NAPB: variants seen among roughly 807,000 people sequenced by gnomAD.
NAPB encodes NSF attachment protein beta, also known as beta-soluble NSF attachment protein.
Under a neutral mutation model 44.7 loss-of-function variants are expected in NAPB, and 26 were observed. That is an observed-to-expected ratio of 0.58 (90% CI 0.43 to 0.81). NAPB has a LOEUF of 0.81. Ranked by LOEUF, NAPB falls within the 30% of genes least tolerant of loss-of-function variation. NAPB has a pLI of 0.00. For missense variants in NAPB, 315 were observed against 356.4 expected (o/e 0.88, Z 0.94); for synonymous variants, 120 against 116.8 (o/e 1.03, Z -0.18).
chr20:23,418,342 G>A (rs1030808241), intron 1 of NAPB, among the ~76,000 whole-genome samples: 4 of 152,186 alleles, frequency 2.6e-5, no homozygotes, highest in African/African-American at 7.2e-5. Context: ...GAAGGCAGGG[G>A]CAGGGTGGAA....
At chr20:23,391,168 C>T (rs1400518115) in intron 5 of NAPB, among the ~76,000 whole-genome samples, 2 of 152,036 alleles carry the variant, frequency 1.3e-5, no homozygotes, top group African/African-American at 4.8e-5. Flanking sequence ...AAAAATTAGC[C>T]GGGCGTGGTG....
chr20:23,420,594 C>A (rs6114083), intron 1 of NAPB, among the ~76,000 whole-genome samples: 4 of 152,054 alleles, frequency 2.6e-5, no homozygotes, highest in Non-Finnish European at 5.9e-5. Flanking sequence ...GCGCCTCACC[C>A]GGACCGGTCT....
Position 23,394,950 on chromosome 20 carries a change from T to G in NAPB, c.392A>C (p.Tyr131Ser). The G allele has an allele frequency of 1.9e-6, 3 of 1,614,208 alleles. No homozygotes were observed. The highest frequency in any genetic ancestry group is 2.5e-6 in the Non-Finnish European group (3 of 1,180,026). Reference protein sequence around the residue: ...AKHHITIAEIYETELVDIEKA... With the variant: ...AKHHITIAEISETELVDIEKA... ...CTCAATGTCTACAAGTTCAGTCTCA[T>G]AGATCTCTGCAATAGTAATGTGGTG... The change falls in exon 5 of 11, where the codon TAT becomes TCT. Residue 131 changes from tyrosine (Y) to serine (S), a missense_variant. By Grantham distance (144) the Tyr-to-Ser change is moderately radical (BLOSUM62 -2). Coordinates refer to ENST00000377026, the MANE Select transcript of NAPB (RefSeq NM_022080.3).
At chr20:23,402,190 T>C (rs1422798339) in intron 2 of NAPB, among the ~76,000 whole-genome samples, 2 of 152,200 alleles carry the variant, frequency 1.3e-5, no homozygotes, top group East Asian at 3.8e-4. Flanking sequence ...GTGTCTGCCT[T>C]GAAACAGCTT....
rs758687677 is a variant in NAPB, at chr20:23,421,446, T to C, written c.-44A>G. On this transcript the variant is annotated 5_prime_UTR_variant, in exon 1 of 11. Transcript: ENST00000377026. ...CACAGCCCCCTCAGCCGGCTCGCTG[T>C]GCGCCCAGGCGCCTTAACCCTCCCT... 63 of 1,521,608 alleles carry C rather than the reference T, an allele frequency of 4.1e-5. No individual in the cohort carries two copies. Among genetic ancestry groups the C allele is most frequent in the Admixed American group, 1.4e-4 (7 of 49,062 alleles). The allele number at this position is 1,521,608 out of a possible 1,614,324, so 94.3% of individuals were successfully genotyped here.
chr20:23,393,298 T>A (rs544434411), intron 5 of NAPB, among the ~76,000 whole-genome samples: 1 of 151,696 alleles, frequency 6.6e-6, no homozygotes, highest in African/African-American at 2.4e-5. Context: ...CAGAAAAGTA[T>A]GGCAATTATA....
intron 1 of NAPB, among the ~76,000 whole-genome samples, chr20:23,405,019 C>A (rs1314004452): frequency 6.6e-6 from 1 of 152,110 alleles, no homozygotes; most frequent in Non-Finnish European, 1.5e-5. Flanking sequence ...AAAACACATC[C>A]CGGCGGGGCG....
Position 23,397,092 on chromosome 20 carries a change from T to C in NAPB, c.275A>G (p.Tyr92Cys). ...ATSFVDAGNA[Y>C]KKADPQEAIN... Reference sequence around the variant, plus strand: ...CTTACCTTGGGGATCTGCCTTTTTGTAAGCATTTCCAGCATCCACAAAGCT... The same window carrying C: ...CTTACCTTGGGGATCTGCCTTTTTGCAAGCATTTCCAGCATCCACAAAGCT... Residue 92 changes from tyrosine (Y) to cysteine (C), a missense_variant, in exon 3 of 11, where the codon TAC (tyrosine) becomes TGC (cysteine). This residue lies in a region of NAPB where 179 missense variants were observed against 182.5 expected (regional missense o/e 0.98). Transcript: ENST00000377026. The C allele has an allele frequency of 6.2e-7, 1 of 1,613,430 alleles. No individual in the cohort carries two copies. The highest frequency in any genetic ancestry group is 8.5e-7 in the Non-Finnish European group (1 of 1,179,430).
At chr20:23,387,035 G>A (rs925429506) in intron 7 of NAPB, among the ~76,000 whole-genome samples, 7 of 152,094 alleles carry the variant, frequency 4.6e-5, no homozygotes, top group Admixed American at 3.3e-4. Flanking sequence ...AAAACCATAC[G>A]CTTATCTCAA....
chr20:23,420,851 G>A (rs1017216346), intron 1 of NAPB, among the ~76,000 whole-genome samples: 15 of 151,552 alleles, frequency 9.9e-5, no homozygotes, highest in Admixed American at 7.2e-4. Flanking sequence ...GGGGCGCTTG[G>A]GGAGCTCTGG....
At chr20:23,409,873 G>A (rs1600596264) in intron 1 of NAPB, among the ~76,000 whole-genome samples, 3 of 152,210 alleles carry the variant, frequency 2.0e-5, no homozygotes, top group South Asian at 4.1e-4. Flanking sequence ...TGCCTCTGCT[G>A]CCAGTCAGAG....
At chr20:23,383,864 A>T (rs1427150163) in intron 7 of NAPB, among the ~76,000 whole-genome samples, 3 of 152,228 alleles carry the variant, frequency 2.0e-5, no homozygotes, top group African/African-American at 7.2e-5. Flanking sequence ...TTCTAAATGT[A>T]TGCAGAGGAA....
At chr20:23,381,145 G>C (rs1982968745) in intron 8 of NAPB, 68 bp downstream of exon 8, 7 of 1,058,222 alleles carry the variant, frequency 6.6e-6, no homozygotes, top group Non-Finnish European at 8.8e-6. Flanking sequence ...ATGATACCAA[G>C]AACAAGAGAG....
At chr20:23,407,309 C>G (rs2295238) in intron 1 of NAPB, among the ~76,000 whole-genome samples, 11,557 of 152,232 alleles carry the variant, frequency 0.076, 670 homozygotes, top group East Asian at 0.3. Flanking sequence ...TTCAAAGTAA[C>G]AACTGTTATC....
At chr20:23,416,293 GA>G (rs1441928771) in intron 1 of NAPB, among the ~76,000 whole-genome samples, 1 of 152,108 alleles carries the variant, frequency 6.6e-6, no homozygotes, top group Admixed American at 6.5e-5. Flanking sequence ...AATGCAACAA[GA>G]AAAAGGCCAG....
chr20:23,383,055 TGA>T (rs776310941), intron 7 of NAPB, among the ~76,000 whole-genome samples: 39 of 148,780 alleles, frequency 2.6e-4, no homozygotes, highest in Non-Finnish European at 4.7e-4. Context: ...CTTGGGAGGC[TGA>T]GACAGGAGAA....
At chr20:23,401,156 G>A (rs1984810289) in intron 2 of NAPB, among the ~76,000 whole-genome samples, 1 of 152,078 alleles carries the variant, frequency 6.6e-6, no homozygotes, top group Admixed American at 6.6e-5. Context: ...ACATGCAAAG[G>A]CTCTGAAGTG....
At chr20:23,402,090 C>A (rs1045102868) in intron 2 of NAPB, among the ~76,000 whole-genome samples, 22 of 152,200 alleles carry the variant, frequency 1.4e-4, no homozygotes, top group Non-Finnish European at 3.1e-4. Context: ...TTAGCTAAAA[C>A]TAAACTTCTT....
chr20:23,386,054 T>C (rs1326327255), intron 7 of NAPB, among the ~76,000 whole-genome samples: 1 of 152,074 alleles, frequency 6.6e-6, no homozygotes, highest in African/African-American at 2.4e-5. Context: ...GGAAATTAAA[T>C]AAAACACTAC....
Sources: gnomAD v4.1 joint callset for allele counts (sites outside exome capture counted in the v4.1 genomes callset) on GRCh38, gnomAD v4.1.1 for gene constraint, gnomAD v4.1.1 regional missense constraint, MANE v1.5 for transcripts, NCBI Gene and HGNC (gene_info 2026-07-23, HGNC 2026-07-21) for gene names.